The following PFKFB3 variants were observed in gnomAD, a reference collection of about 807,000 sequenced individuals.
PFKFB3 encodes the protein 6-phosphofructo-2-kinase/fructose-2,6-bisphosphatase 3.
In PFKFB3, 33 loss-of-function variants were observed where a neutral mutation model predicts 68.0. That is an observed-to-expected ratio of 0.49 (90% CI 0.37 to 0.65). The LOEUF (loss-of-function observed/expected upper bound fraction) is 0.65, where lower values mean the gene tolerates loss of function less well. Ranked by LOEUF, PFKFB3 falls within the 30% of genes least tolerant of loss-of-function variation. The pLI, the probability that PFKFB3 is intolerant of heterozygous loss-of-function variation, is 0.00. For missense variants in PFKFB3, 586 were observed against 712.2 expected (o/e 0.82, Z 2.02); for synonymous variants, 315 against 288.2 (o/e 1.09, Z -0.94).
intron 1 of PFKFB3, among the ~76,000 whole-genome samples, chr10:6,160,997 G>A (rs1841951452): frequency 6.6e-6 from 1 of 152,024 alleles, no homozygotes; most frequent in Non-Finnish European, 1.5e-5. Flanking sequence ...GTGGAATGGT[G>A]TGATCTTGGC....
At chr10:6,209,975 A>T (rs1301229184) in intron 1 of PFKFB3, among the ~76,000 whole-genome samples, 3 of 150,838 alleles carry the variant, frequency 2.0e-5, no homozygotes, top group Non-Finnish European at 4.4e-5. Flanking sequence ...TGTGGTCTCG[A>T]TCTCCTGACC....
the PFKFB3 span, among the ~76,000 whole-genome samples, chr10:6,282,567 C>T: frequency 1.3e-5 from 2 of 152,194 alleles, no homozygotes; most frequent in African/African-American, 4.8e-5. Flanking sequence ...GGCCAGGCTA[C>T]CCTTCAGGAA....
At chr10:6,168,204 G>T (rs568263250) in intron 1 of PFKFB3, among the ~76,000 whole-genome samples, 2 of 152,220 alleles carry the variant, frequency 1.3e-5, no homozygotes, top group African/African-American at 4.8e-5. Flanking sequence ...GCTGGTGGAA[G>T]ATCATGAGGT....
At chr10:6,187,549 A>G (rs1176016823) in intron 1 of PFKFB3, among the ~76,000 whole-genome samples, 1 of 152,204 alleles carries the variant, frequency 6.6e-6, no homozygotes, top group African/African-American at 2.4e-5. Context: ...CAAATTACTC[A>G]TTTCACGTTG....
chr10:6,154,147 G>A lies in PFKFB3; in HGVS notation c.16+9134G>A, dbSNP rs12771615. Among the ~76,000 whole-genome samples the A allele has an allele frequency of 0.32, 48,034 of 152,044 alleles. 8,375 individuals carry two copies. Among genetic ancestry groups the A allele is most frequent in the South Asian group, 0.46 (2,208 of 4,814 alleles). ...GACACAGGCTTAGGAAGGGAGTGGCGGCTCAGCACGTCCTCATCTCCCATG... is the reference window on the plus strand; with the variant it reads ...GACACAGGCTTAGGAAGGGAGTGGCAGCTCAGCACGTCCTCATCTCCCATG... On this transcript the variant is annotated intron_variant, in intron 1 of 14. Coordinates refer to the PFKFB3 transcript ENST00000379789. The surrounding 1 kb of genome is among the most constrained non-coding windows in gnomAD (Gnocchi z 4.6).
At position 6,233,639 on chromosome 10, in the gene PFKFB3, C is replaced by T. The variant is rs3750667; in HGVS notation, c.*697C>T. 0.26 allele frequency: 39,482 copies of T among 152,814 alleles called. 6,135 individuals are homozygous for T. The highest frequency in any genetic ancestry group is 0.38 in the East Asian group (2,025 of 5,268). The allele number at this position is 152,814 out of a possible 1,614,324, so 9.5% of individuals were successfully genotyped here. ...GCACGGGGAGAGGGAAGTATTTTGCCGAAATATGAGAACTGGGGCCTCCTG... is the reference window on the plus strand; with the variant it reads ...GCACGGGGAGAGGGAAGTATTTTGCTGAAATATGAGAACTGGGGCCTCCTG... On this transcript the variant is annotated 3_prime_UTR_variant, in exon 15 of 15. Transcript: ENST00000379775.
downstream of PFKFB3, among the ~76,000 whole-genome samples, chr10:6,255,200 C>G (rs1468569166): frequency 2.6e-5 from 4 of 151,528 alleles, no homozygotes; most frequent in African/African-American, 9.7e-5. Context: ...TCTCAGCTCA[C>G]TGCAACCTCT....
chr10:6,262,456 A>AG, the PFKFB3 span, among the ~76,000 whole-genome samples: 3 of 132,660 alleles, frequency 2.3e-5, no homozygotes, highest in African/African-American at 8.2e-5. Flanking sequence ...CCATCTCAAA[A>AG]AAAAAAAAAA....
At chr10:6,211,763 C>T (rs189653884) in intron 1 of PFKFB3, among the ~76,000 whole-genome samples, 426 of 152,286 alleles carry the variant, frequency 2.8e-3, no homozygotes, top group African/African-American at 9.3e-3. Context: ...GCATGGCAGC[C>T]CAGGGCTTTT....
chr10:6,262,914 G>A, the PFKFB3 span, among the ~76,000 whole-genome samples: 2 of 152,290 alleles, frequency 1.3e-5, no homozygotes, highest in East Asian at 3.9e-4. Context: ...TGATGAGATT[G>A]GTTCCAGGGG....
At chr10:6,199,934 A>G (rs2131845450), upstream of PFKFB3, among the ~76,000 whole-genome samples, 1 of 151,986 alleles carries the variant, frequency 6.6e-6, no homozygotes, top group Admixed American at 6.6e-5. Context: ...CTAAATTAGG[A>G]TTCCACTCAG....
At chr10:6,185,622 G>C (rs1842847587) in intron 1 of PFKFB3, among the ~76,000 whole-genome samples, 1 of 144,580 alleles carries the variant, frequency 6.9e-6, no homozygotes, top group African/African-American at 2.6e-5. Context: ...TACCAGATCA[G>C]TACTTCCTCC....
At chr10:6,227,936 T>C (rs1245073544) in intron 14 of PFKFB3, among the ~76,000 whole-genome samples, 1 of 151,914 alleles carries the variant, frequency 6.6e-6, no homozygotes, top group East Asian at 1.9e-4. Flanking sequence ...CTTTGATGCT[T>C]GGGGGGACCA....
intron 1 of PFKFB3, among the ~76,000 whole-genome samples, chr10:6,174,819 ATTT>A (rs58730713): frequency 1.4e-5 from 2 of 143,638 alleles, no homozygotes. Flanking sequence ...TCTTTCTTTA[ATTT>A]TTTTTTTTTT....
chr10:6,251,786 T>C (rs903216935), intron 14 of PFKFB3, among the ~76,000 whole-genome samples: 10 of 151,988 alleles, frequency 6.6e-5, no homozygotes, highest in Middle Eastern at 3.2e-3. Context: ...CTGACCAACA[T>C]AGTGAAACCC....
the PFKFB3 span, among the ~76,000 whole-genome samples, chr10:6,323,792 C>T: frequency 6.6e-6 from 1 of 152,148 alleles, no homozygotes; most frequent in East Asian, 1.9e-4. Context: ...AATCGAAACC[C>T]ATGTGCATTG....
intron 11 of PFKFB3, among the ~76,000 whole-genome samples, chr10:6,223,606 C>T (rs1359075253): frequency 7.9e-5 from 12 of 152,110 alleles, no homozygotes; most frequent in Admixed American, 7.2e-4. Context: ...TCTTTCCATG[C>T]CTCCCCCACC....
Position 6,215,073 on chromosome 10 carries a change from C to T in PFKFB3, c.203-148C>T. The T allele has an allele frequency of 1.5e-6, 1 of 658,136 alleles. No homozygotes were observed. Among genetic ancestry groups the T allele is most frequent in the Non-Finnish European group, 2.7e-6 (1 of 369,548 alleles). 40.8% of individuals were successfully genotyped at this position (658,136 alleles called of 1,614,324 possible). A position where few individuals can be genotyped will look rare whatever the true frequency, so the allele number is the denominator to read the frequency against. On this transcript the variant is annotated intron_variant, in intron 2 of 14. Transcript: ENST00000379775. The surrounding 1 kb of genome is among the most constrained non-coding windows in gnomAD (Gnocchi z 4.3). Reference sequence around the variant, plus strand: ...CTCAGGAGTTGAGGGTAGCGTAGGACTGGGCGCCGGCATTGCTTCCACACC... The same window carrying T: ...CTCAGGAGTTGAGGGTAGCGTAGGATTGGGCGCCGGCATTGCTTCCACACC...
the PFKFB3 span, among the ~76,000 whole-genome samples, chr10:6,322,043 C>T: frequency 6.6e-5 from 10 of 152,166 alleles, no homozygotes; most frequent in African/African-American, 2.4e-4. Context: ...TTTAATCCAG[C>T]GCTTTCCCCT....
Sources: allele counts gnomAD v4.1 joint callset (sites outside exome capture counted in the v4.1 genomes callset), GRCh38; gene constraint gnomAD v4.1.1; non-coding constraint Gnocchi (gnomAD v3.1); transcripts MANE v1.5; gene names NCBI Gene and HGNC (gene_info 2026-07-23, HGNC 2026-07-21).